Variants in ELMO1 observed in about 807,000 individuals in gnomAD.
ELMO1 encodes engulfment and cell motility 1.
A neutral mutation model predicts 98.9 loss-of-function variants in ELMO1; 26 were observed. That is an observed-to-expected ratio of 0.26 (90% confidence interval 0.19 to 0.36). The LOEUF is 0.36. Ranked by LOEUF, ELMO1 falls within the 10% of genes least tolerant of loss-of-function variation. The pLI, the probability that ELMO1 is intolerant of heterozygous loss-of-function variation, is 1.00. For synonymous variants in ELMO1, 346 were observed against 346.0 expected, an observed-to-expected ratio of 1.00 and a Z score of 0.00; for missense variants, 627 against 935.2, an observed-to-expected ratio of 0.67 and a Z score of 4.30.
intron 13 of ELMO1, among the ~76,000 whole-genome samples, chr7:37,147,653 G>A (rs1481311523): frequency 6.6e-6 from 1 of 152,136 alleles, no homozygotes. Flanking sequence ...ATTAATATTA[G>A]CACAACAAGA....
chr7:37,348,260 G>A (rs535900395), intron 1 of ELMO1, among the ~76,000 whole-genome samples: 8 of 152,220 alleles, frequency 5.3e-5, no homozygotes, highest in African/African-American at 1.9e-4. Flanking sequence ...TGTGTAGACA[G>A]CCGGGTACAA....
chr7:36,868,348 CTT>C (rs70977202), intron 20 of ELMO1, among the ~76,000 whole-genome samples: 21 of 140,614 alleles, frequency 1.5e-4, no homozygotes, highest in Admixed American at 4.2e-4. Context: ...TCTTCTTCTT[CTT>C]TTTTTTTTTT....
intron 1 of ELMO1, among the ~76,000 whole-genome samples, chr7:37,418,914 C>T (rs1039711397): frequency 1.3e-5 from 2 of 152,120 alleles, no homozygotes; most frequent in Admixed American, 1.3e-4. Context: ...GAGTCGGGTA[C>T]TCGCAACAAG....
rs1554433135 is a variant in ELMO1, at chr7:37,171,481, CTAT to C, written c.1087-38250_1087-38248del. Among the ~76,000 whole-genome samples, 6 of 44,268 alleles carry C rather than the reference CTAT, an allele frequency of 1.4e-4. 1 individual carries two copies. Among genetic ancestry groups the C allele is most frequent in the African/African-American group, 3.7e-4 (6 of 16,050 alleles). 29.0% of individuals were successfully genotyped at this position (44,268 alleles called of 152,430 possible). A position where few individuals can be genotyped will look rare whatever the true frequency, so the allele number is the denominator to read the frequency against. On this transcript the variant is annotated intron_variant, in intron 13 of 21. Transcript: ENST00000310758. ...AGTTTATTCTTGTAACCAGGCCTTT[CTAT>C]TTTTTTTTTTTTTTTTTTTTTTTTT...
chr7:37,162,487 A>G (rs2129330665), intron 13 of ELMO1, among the ~76,000 whole-genome samples: 1 of 152,316 alleles, frequency 6.6e-6, no homozygotes, highest in South Asian at 2.1e-4. Context: ...TCTACTTTTA[A>G]ACGTCGTAAA....
chr7:37,174,542 AGC>A (rs1563056333), intron 13 of ELMO1, among the ~76,000 whole-genome samples: 1 of 152,150 alleles, frequency 6.6e-6, no homozygotes, highest in Non-Finnish European at 1.5e-5. Context: ...ATCTGTATCG[AGC>A]GGGCTATCTG....
At chr7:37,015,699 G>A (rs1793888682) in intron 15 of ELMO1, among the ~76,000 whole-genome samples, 1 of 152,230 alleles carries the variant, frequency 6.6e-6, no homozygotes, top group Non-Finnish European at 1.5e-5. Context: ...AGGGCAAAGT[G>A]CTTTGGACAG....
intron 13 of ELMO1, among the ~76,000 whole-genome samples, chr7:37,200,266 G>A (rs965486363): frequency 7.7e-6 from 1 of 129,450 alleles, no homozygotes; most frequent in Non-Finnish European, 1.6e-5. Context: ...TTTTTGTAGA[G>A]ACAAGAGTGT....
chr7:36,884,959 G>A (rs1804817087), intron 18 of ELMO1, among the ~76,000 whole-genome samples: 1 of 152,198 alleles, frequency 6.6e-6, no homozygotes, highest in Non-Finnish European at 1.5e-5. Context: ...CCCAGTCTGA[G>A]ATCTCATGTA....
chr7:37,282,669 A>G (rs921067254), intron 4 of ELMO1, among the ~76,000 whole-genome samples: 1 of 152,238 alleles, frequency 6.6e-6, no homozygotes, highest in Non-Finnish European at 1.5e-5. Context: ...AGGAAGAAGG[A>G]TAAGGAAGAA....
intron 1 of ELMO1, among the ~76,000 whole-genome samples, chr7:37,372,099 T>C (rs184271426): frequency 1.3e-3 from 197 of 152,120 alleles, no homozygotes; most frequent in African/African-American, 4.1e-3. Context: ...GCAGTGAGTA[T>C]GTGATGAACA....
chr7:37,039,306 A>G (rs1238403119), intron 15 of ELMO1, among the ~76,000 whole-genome samples: 1 of 152,148 alleles, frequency 6.6e-6, no homozygotes, highest in African/African-American at 2.4e-5. Flanking sequence ...TCTTTCCATA[A>G]TAATAAGAGC....
intron 18 of ELMO1, among the ~76,000 whole-genome samples, chr7:36,884,590 A>G (rs567354531): frequency 9.9e-5 from 15 of 152,280 alleles, no homozygotes; most frequent in East Asian, 7.7e-4. Flanking sequence ...TTTGAGATAT[A>G]TTACCTCCCA....
chr7:37,099,992 C>T (rs146561819), intron 14 of ELMO1, among the ~76,000 whole-genome samples: 2,783 of 152,238 alleles, frequency 0.018, 84 homozygotes, highest in African/African-American at 0.063. Context: ...CACCACCACA[C>T]CCAACTAATT....
chr7:36,914,952 G>A (rs1400413407), intron 16 of ELMO1, among the ~76,000 whole-genome samples: 11 of 152,266 alleles, frequency 7.2e-5, no homozygotes, highest in African/African-American at 2.6e-4. Flanking sequence ...ATTTAGCAAA[G>A]CAGTTTTTTG....
intron 4 of ELMO1, among the ~76,000 whole-genome samples, chr7:37,308,437 C>G (rs769417514): frequency 6.6e-6 from 1 of 152,182 alleles, no homozygotes; most frequent in Non-Finnish European, 1.5e-5. Flanking sequence ...CTCTGCACAC[C>G]ATCAATCTAG....
intron 8 of ELMO1, among the ~76,000 whole-genome samples, chr7:37,229,559 T>A (rs17256337): frequency 6.6e-6 from 1 of 152,194 alleles, no homozygotes; most frequent in Admixed American, 6.5e-5. Flanking sequence ...AAGCCAACTC[T>A]AGACCACAGA....
intron 16 of ELMO1, among the ~76,000 whole-genome samples, chr7:36,960,699 C>T (rs533926469): frequency 1.3e-4 from 20 of 151,398 alleles, no homozygotes; most frequent in Non-Finnish European, 2.8e-4. Context: ...ACTGTTAATA[C>T]TTACATCTTA....
At chr7:36,958,679 C>A (rs1001445136) in intron 16 of ELMO1, among the ~76,000 whole-genome samples, 1 of 152,132 alleles carries the variant, frequency 6.6e-6, no homozygotes, top group Non-Finnish European at 1.5e-5. Context: ...TCCTAAGGAG[C>A]ATTTCTTCTC....
Sources: gnomAD v4.1 joint callset for allele counts (sites outside exome capture counted in the v4.1 genomes callset) on GRCh38, gnomAD v4.1.1 for gene constraint, MANE v1.5 for transcripts, NCBI Gene and HGNC (gene_info 2026-07-23, HGNC 2026-07-21) for gene names.